Variants in RANBP17 observed in about 807,000 individuals in gnomAD.
RANBP17 encodes ran-binding protein 17.
In RANBP17, 158 loss-of-function variants were observed where a neutral mutation model predicts 141.2. That is an observed-to-expected ratio of 1.12 (90% CI 0.98 to 1.28). The LOEUF is 1.28. Ranked by LOEUF, RANBP17 falls within the 50% of genes most tolerant of loss-of-function variation. The pLI, the probability that RANBP17 is intolerant of heterozygous loss-of-function variation, is 0.00. For missense variants in RANBP17, 1,438 were observed against 1,290.7 expected, an observed-to-expected ratio of 1.11 and a Z score of -1.75; for synonymous variants, 430 against 450.0, an observed-to-expected ratio of 0.96 and a Z score of 0.56.
At chr5:171,251,860 A>G in intron 24 of RANBP17, 1 of 1,387,564 alleles carries the variant, frequency 7.2e-7, no homozygotes, top group Non-Finnish European at 1.0e-6. Flanking sequence ...CTGTACCATG[A>G]GTGCCAATGC....
At position 170,959,277 on chromosome 5, in the gene RANBP17, T is replaced by A. The variant is rs149843499; in HGVS notation, c.1574+5575T>A. Among the ~76,000 whole-genome samples, 621 of 152,308 alleles carry A rather than the reference T, an allele frequency of 4.1e-3. 5 individuals are homozygous for A. The highest frequency in any genetic ancestry group is 0.014 in the African/African-American group (599 of 41,558). On this transcript the variant is annotated intron_variant, in intron 13 of 27. Coordinates refer to ENST00000523189, the MANE Select transcript of RANBP17 (RefSeq NM_022897.5). ...ATTATATAAATAACTTCAGCTGCTT[T>A]CTGATCAGATAATATTTCTCCCATT...
intron 24 of RANBP17, among the ~76,000 whole-genome samples, chr5:171,251,163 A>G (rs1765534519): frequency 1.3e-5 from 2 of 152,200 alleles, no homozygotes; most frequent in African/African-American, 4.8e-5. Flanking sequence ...GTCATGGCTC[A>G]GTGCAGCCTT....
At chr5:170,886,909 T>C (rs1356028127) in intron 3 of RANBP17, among the ~76,000 whole-genome samples, 1 of 151,996 alleles carries the variant, frequency 6.6e-6, no homozygotes, top group African/African-American at 2.4e-5. Context: ...GCGATCCGCC[T>C]GCCTCAGCCT....
intron 25 of RANBP17, among the ~76,000 whole-genome samples, chr5:171,273,523 C>A (rs143357411): frequency 4.6e-5 from 7 of 152,160 alleles, no homozygotes; most frequent in Non-Finnish European, 8.8e-5. Context: ...CTAATTGTTG[C>A]CTTATAAGAA....
chr5:171,150,843 T>C lies in RANBP17; in HGVS notation c.1711-19287T>C, dbSNP rs187115830. Among the ~76,000 whole-genome samples, 46 of 152,328 alleles carry C rather than the reference T, an allele frequency of 3.0e-4. 1 individual carries two copies. Among genetic ancestry groups the C allele is most frequent in the East Asian group, 2.5e-3 (13 of 5,186 alleles). On this transcript the variant is annotated intron_variant, in intron 14 of 27. Transcript: ENST00000523189. ...TTAGAAGTGAACACACTTCATTTGG[T>C]TTGTTAAATTCCTAGCTCTTTTCTA...
At chr5:171,155,094 A>ATATATATATAT (rs1554106865) in intron 14 of RANBP17, among the ~76,000 whole-genome samples, 6 of 74,986 alleles carry the variant, frequency 8.0e-5, no homozygotes, top group African/African-American at 2.6e-4. Context: ...AAAAAAAAAA[A>ATATATATATAT]ATATATATAT....
At chr5:171,038,773 G>T (rs1447477872) in intron 14 of RANBP17, among the ~76,000 whole-genome samples, 6 of 152,056 alleles carry the variant, frequency 3.9e-5, no homozygotes, top group Non-Finnish European at 1.5e-5. Context: ...TTATTGATTT[G>T]CATATGTTGA....
chr5:171,193,945 A>G (rs928283444), intron 18 of RANBP17, among the ~76,000 whole-genome samples: 2 of 151,722 alleles, frequency 1.3e-5, no homozygotes, highest in East Asian at 1.9e-4. Context: ...TTCGTATTCT[A>G]CCTGCCATAT....
At position 170,930,693 on chromosome 5, in the gene RANBP17, G is replaced by T. The variant is rs1773298644; in HGVS notation, c.1468+6143G>T. The stretch of plus-strand genomic sequence containing the variant: ...TTCTGTCCTTGGGATAGTTTGCTCA[G>T]AATGATGGTTTCCAGCTTCATCCAT... On this transcript the variant is annotated intron_variant, in intron 12 of 27. Coordinates refer to ENST00000523189, the MANE Select transcript of RANBP17 (RefSeq NM_022897.5). 2.0e-5 allele frequency among the ~76,000 whole-genome samples: 3 copies of T among 152,062 alleles called. No individual in the cohort carries two copies. The South Asian group carries it at 6.2e-4, about 32-fold the overall frequency.
intron 14 of RANBP17, among the ~76,000 whole-genome samples, chr5:171,168,710 G>A (rs1055102758): frequency 6.6e-6 from 1 of 152,096 alleles, no homozygotes; most frequent in Non-Finnish European, 1.5e-5. Context: ...CTTTAATCTT[G>A]TTAGAGATGA....
At chr5:171,224,764 G>A (rs1356127190) in intron 22 of RANBP17, among the ~76,000 whole-genome samples, 6 of 152,228 alleles carry the variant, frequency 3.9e-5, no homozygotes, top group Non-Finnish European at 8.8e-5. Context: ...AGAAAGATGA[G>A]ATTAGAGTAA....
chr5:170,980,766 C>T (rs1049824986), intron 14 of RANBP17, among the ~76,000 whole-genome samples: 18 of 152,168 alleles, frequency 1.2e-4, no homozygotes, highest in African/African-American at 3.4e-4. Flanking sequence ...TAAGGCAGTG[C>T]GGAAGGGAAA....
In RANBP17 at chr5:171,107,778, C is replaced by A. The variant is rs186122255; in HGVS notation, c.1711-62352C>A. ...TATGGTTATCAGACGCTTTCTTTGT[C>A]ATGGAATAAAAAGACCTTCTAGGAT... On this transcript the variant is annotated intron_variant, in intron 14 of 27. Transcript: ENST00000523189. Among the ~76,000 whole-genome samples, 22 of 152,274 alleles carry A rather than the reference C, an allele frequency of 1.4e-4. 1 individual carries two copies. In the East Asian group the frequency reaches 4.1e-3, roughly 28 times the overall value.
intron 12 of RANBP17, among the ~76,000 whole-genome samples, chr5:170,935,106 G>C (rs1265914657): frequency 1.3e-5 from 2 of 152,088 alleles, no homozygotes; most frequent in Non-Finnish European, 2.9e-5. Flanking sequence ...ATCTACTGAA[G>C]CTTGTGCATG....
At chr5:170,873,691 T>A (rs1459496576) in intron 1 of RANBP17, among the ~76,000 whole-genome samples, 2 of 152,092 alleles carry the variant, frequency 1.3e-5, no homozygotes, top group East Asian at 3.9e-4. Flanking sequence ...GTAGTGATAA[T>A]CCTTTATCAT....
At chr5:171,228,706 C>A (rs1237809629) in intron 22 of RANBP17, among the ~76,000 whole-genome samples, 2 of 152,176 alleles carry the variant, frequency 1.3e-5, no homozygotes, top group African/African-American at 4.8e-5. Context: ...CCACAGCCAC[C>A]TCAACCTTTG....
At chr5:170,964,754 A>C (rs1471703066) in intron 13 of RANBP17, among the ~76,000 whole-genome samples, 1 of 152,190 alleles carries the variant, frequency 6.6e-6, no homozygotes, top group African/African-American at 2.4e-5. Context: ...TGCCTAGTAT[A>C]CCATGGTGTA....
intron 24 of RANBP17, chr5:171,251,909 C>T: frequency 1.3e-6 from 2 of 1,579,844 alleles, no homozygotes; most frequent in Non-Finnish European, 1.7e-6. Context: ...GAACAGTTTC[C>T]AGTGAATGAG....
chr5:171,128,534 A>G (rs1756666231), intron 14 of RANBP17, among the ~76,000 whole-genome samples: 3 of 152,190 alleles, frequency 2.0e-5, no homozygotes, highest in Admixed American at 2.0e-4. Flanking sequence ...ATGAACCCTC[A>G]GAGGGGTTAA....
Sources: gnomAD v4.1 joint callset for allele counts (sites outside exome capture counted in the v4.1 genomes callset) on GRCh38, gnomAD v4.1.1 for gene constraint, MANE v1.5 for transcripts, NCBI Gene and HGNC (gene_info 2026-07-23, HGNC 2026-07-21) for gene names.